GCN1: variants seen among roughly 807,000 people sequenced by gnomAD.
GCN1 encodes the protein GCN1 activator of EIF2AK4, also known as stalled ribosome sensor GCN1.
GCN1 carries 90 observed loss-of-function variants against 288.4 expected under a neutral mutation model. That is an observed-to-expected ratio of 0.31 (90% CI 0.26 to 0.37). The LOEUF (loss-of-function observed/expected upper bound fraction) is 0.37, where lower values mean the gene tolerates loss of function less well. GCN1 is among the 10% of genes least tolerant of loss of function. The pLI, the probability that GCN1 is intolerant of heterozygous loss-of-function variation, is 1.00. For synonymous variants in GCN1, 1,386 were observed against 1,420.2 expected, an observed-to-expected ratio of 0.98 and a Z score of 0.54; for missense variants, 2,586 against 3,419.9, an observed-to-expected ratio of 0.76 and a Z score of 6.08.
In GCN1 at chr12:120,188,673, C is replaced by T. The variant is rs565533841; in HGVS notation, c.121+1625G>A. Among the ~76,000 whole-genome samples, 7 of 151,938 alleles carry T rather than the reference C, an allele frequency of 4.6e-5. No individual in the cohort carries two copies. The South Asian group carries it at 1.5e-3, about 32-fold the overall frequency. ...GACCATCCTGGCTAACACGGTGAAA[C>T]CCTGTCTCTACTAAATATACAAAAA... On this transcript the variant is annotated intron_variant, in intron 2 of 57. Coordinates refer to ENST00000300648, the MANE Select transcript of GCN1 (RefSeq NM_006836.2).
At position 120,144,217 on chromosome 12, in the gene GCN1, C is replaced by G. The variant is rs1293598429; in HGVS notation, c.5495+89G>C. On this transcript the variant is annotated intron_variant, in intron 42 of 57. Transcript: ENST00000300648. The surrounding 1 kb of genome is among the most constrained non-coding windows in gnomAD (Gnocchi z 4.7). ...TCGTAAACTCCTGGGTTTAAGCAAT[C>G]CTCCTGCCTCGGCTTTCCAGAGTGC... 17 of 1,441,758 alleles carry G rather than the reference C, an allele frequency of 1.2e-5. No individual in the cohort carries two copies. Among genetic ancestry groups the G allele is most frequent in the Non-Finnish European group, 1.6e-5 (16 of 1,027,962 alleles). The allele number at this position is 1,441,758 out of a possible 1,614,324, so 89.3% of individuals were successfully genotyped here.
At chr12:120,154,883 C>T (rs1277603556) in intron 31 of GCN1, 87 bp downstream of exon 31, 17 of 1,291,768 alleles carry the variant, frequency 1.3e-5, no homozygotes, top group African/African-American at 8.7e-5. Context: ...TTTCATTAAC[C>T]CATGCTGCCT....
At chr12:120,178,324 G>A (rs1878542422) in intron 7 of GCN1, among the ~76,000 whole-genome samples, 1 of 152,174 alleles carries the variant, frequency 6.6e-6, no homozygotes, top group Admixed American at 6.5e-5. Context: ...TTACTCGCTG[G>A]TGTACCCCCA....
At position 120,173,671 on chromosome 12, in the gene GCN1, T is replaced by C. The variant is rs1312233040; in HGVS notation, c.1348A>G (p.Met450Val). Reference sequence around the variant, plus strand: ...GTCTTACCCCGGTAAGAGGCCAACATGCACTGCAGGTAGGCATGCCTCACC... The same window carrying C: ...GTCTTACCCCGGTAAGAGGCCAACACGCACTGCAGGTAGGCATGCCTCACC... ...SAVRHAYLQC[M>V]LASYRGDTLL... The change falls in exon 14 of 58, where the codon ATG (methionine) becomes GTG (valine). Residue 450 changes from methionine (M) to valine (V), a missense_variant. By Grantham distance (21) the Met-to-Val change is conservative. Around this residue, in one of 8 missense-constraint regions of GCN1, gnomAD observed 913 missense variants for 1,107.0 expected, o/e 0.82. Transcript: ENST00000300648. The C allele has an allele frequency of 1.2e-6, 2 of 1,609,658 alleles. No homozygotes were observed. Among genetic ancestry groups the C allele is most frequent in the Non-Finnish European group, 1.7e-6 (2 of 1,176,030 alleles).
Position 120,193,126 on chromosome 12 carries a change from A to G in GCN1, c.18+1554T>C, listed in dbSNP as rs370468907. Among the ~76,000 whole-genome samples the G allele has an allele frequency of 8.5e-5, 13 of 152,282 alleles. 1 individual carries two copies. In the East Asian group the frequency reaches 2.3e-3, roughly 27 times the overall value. ...CCAGCACTTTGGGAGGCCAAGGCAG[A>G]AGGATCACCTGAGGTCAGGAATTCG... On this transcript the variant is annotated intron_variant, in intron 1 of 57. Coordinates refer to ENST00000300648, the MANE Select transcript of GCN1 (RefSeq NM_006836.2).
At position 120,164,199 on chromosome 12, in the gene GCN1, C is replaced by T. The variant is rs938232856; in HGVS notation, c.1848+137G>A. 2.5e-4 allele frequency: 173 copies of T among 688,354 alleles called. 2 individuals are homozygous for T. In the East Asian group the frequency reaches 4.2e-3, roughly 17 times the overall value. The allele number at this position is 688,354 out of a possible 1,614,324, so 42.6% of individuals were successfully genotyped here. On this transcript the variant is annotated intron_variant, in intron 18 of 57. Coordinates refer to ENST00000300648, the MANE Select transcript of GCN1 (RefSeq NM_006836.2). ...TATGAAAGATGTTACTGGAGCTTGA[C>T]GGCAGAGCAGAAGATGCTGGCATCA... is the stretch of plus-strand genomic sequence containing the variant.
Position 120,171,317 on chromosome 12 carries a change from A to G in GCN1, c.1367-996T>C, listed in dbSNP as rs147353546. ...CCTGTCTCTATTAAAAAATACAAAA[A>G]TTAGCCAGGCATGGTGGTGGGCATC... is the stretch of plus-strand genomic sequence containing the variant. On this transcript the variant is annotated intron_variant, in intron 14 of 57. Coordinates refer to ENST00000300648, the MANE Select transcript of GCN1 (RefSeq NM_006836.2). Among the ~76,000 whole-genome samples the G allele has an allele frequency of 7.9e-3, 1,163 of 146,940 alleles. 18 individuals are homozygous for G. The highest frequency in any genetic ancestry group is 0.028 in the African/African-American group (1,113 of 39,690).
Position 120,127,495 on chromosome 12 carries a change from C to A in GCN1, c.*354G>T. On this transcript the variant is annotated 3_prime_UTR_variant, in exon 58 of 58. Coordinates refer to ENST00000300648, the MANE Select transcript of GCN1 (RefSeq NM_006836.2). ...GGATATAGGAAAAAGGTTGGTAGCG[C>A]CAGCTCTCAAACCAGAGCTCAAGCA... The A allele has an allele frequency of 9.2e-6, 2 of 216,728 alleles. No homozygotes were observed. 13.4% of individuals were successfully genotyped at this position (216,728 alleles called of 1,614,324 possible).
In GCN1 at chr12:120,161,565, T is replaced by C. The variant is rs908859439; in HGVS notation, c.2361A>G (p.Ile787Met). 19 of 1,613,648 alleles carry C rather than the reference T, an allele frequency of 1.2e-5. No homozygotes were observed. In the East Asian group the frequency reaches 3.8e-4, roughly 32 times the overall value. ...SIIQSAQQDS[I>M]KKANMKRENK... is the part of the protein sequence containing the mutation. ...TCTCTCGCTTCATGTTGGCCTTTTT[T>C]ATGCTGTCCTGCTGGGCACTGAAAC... The change falls in exon 22 of 58, where the codon ATA becomes ATG. Residue 787 changes from isoleucine to methionine, a missense_variant. Ile to Met is a conservative substitution (Grantham distance 10). This residue lies in a region of GCN1 where 913 missense variants were observed against 1,107.0 expected (regional missense o/e 0.82). Transcript: ENST00000300648.
chr12:120,161,795 C>T (rs536299455), intron 21 of GCN1, 85 bp downstream of exon 21: 1 of 1,330,794 alleles, frequency 7.5e-7, no homozygotes, highest in Admixed American at 1.8e-5. Context: ...GCATTCAACT[C>T]ACAGGAGGCA....
Position 120,137,480 on chromosome 12 carries a change from A to G in GCN1, c.6663+65T>C. ...GTACGTGGGGGATTCTTATAAGTCT[A>G]TTCCTGTAAATGTCTGGAATTTTCT... is the stretch of plus-strand genomic sequence containing the variant. On this transcript the variant is annotated intron_variant, in intron 49 of 57. Transcript: ENST00000300648. This position sits in a 1 kb window ranked among gnomAD's most constrained non-coding sequence, Gnocchi z 5.2. 9 of 1,554,690 alleles carry G rather than the reference A, an allele frequency of 5.8e-6. No individual in the cohort carries two copies. Among genetic ancestry groups the G allele is most frequent in the Non-Finnish European group, 8.0e-6 (9 of 1,130,674 alleles).
chr12:120,155,566 A>C lies in GCN1; in HGVS notation c.3440+26T>G. 1 of 1,613,676 alleles carries C rather than the reference A, an allele frequency of 6.2e-7. No homozygotes were observed. On this transcript the variant is annotated intron_variant, in intron 29 of 57. Transcript: ENST00000300648. The surrounding 1 kb of genome is among the most constrained non-coding windows in gnomAD (Gnocchi z 4.9). ...CTAAAGGAAGAGAGGATGCAGCAGG[A>C]GAAAGCGACATGCTGGCTCTCTCAC...
intron 57 of GCN1, among the ~76,000 whole-genome samples, chr12:120,128,704 G>C (rs1344906049): frequency 6.6e-6 from 1 of 152,102 alleles, no homozygotes; most frequent in South Asian, 2.1e-4. Flanking sequence ...TTTCCTCTGG[G>C]CAGCTCTCCT....
rs1877620074 is a variant in GCN1 at position 120,153,077 on chromosome 12, G to C, written c.4062+136C>G. 4 of 673,488 alleles carry C rather than the reference G, an allele frequency of 5.9e-6. No homozygotes were observed. Among genetic ancestry groups the C allele is most frequent in the Non-Finnish European group, 1.0e-5 (4 of 395,702 alleles). 41.7% of individuals were successfully genotyped at this position (673,488 alleles called of 1,614,324 possible). On this transcript the variant is annotated intron_variant, in intron 33 of 57. Coordinates refer to ENST00000300648, the MANE Select transcript of GCN1 (RefSeq NM_006836.2). The surrounding 1 kb of genome is among the most constrained non-coding windows in gnomAD (Gnocchi z 4.4). The stretch of plus-strand genomic sequence containing the variant: ...ATAAACCAGGCTCTCCCCTGCGAGA[G>C]GGGGTGAATCCTTAACAAGAACTGG...
At position 120,183,551 on chromosome 12, in the gene GCN1, G is replaced by C; in HGVS notation, c.426+18C>G. 1 of 1,447,858 alleles carries C rather than the reference G, an allele frequency of 6.9e-7. No homozygotes were observed. Among genetic ancestry groups the C allele is most frequent in the East Asian group, 2.3e-5 (1 of 44,138 alleles). 89.7% of individuals were successfully genotyped at this position (1,447,858 alleles called of 1,614,324 possible). ...CAGAAAGCTGACCCTTGCTACTTCA[G>C]AGACACAGGGAACCTACCAGTTTGT... On this transcript the variant is annotated intron_variant, in intron 5 of 57. Coordinates refer to ENST00000300648, the MANE Select transcript of GCN1 (RefSeq NM_006836.2).
chr12:120,175,325 C>T, intron 11 of GCN1, 113 bp from the exon 12 acceptor site: 1 of 1,008,186 alleles, frequency 9.9e-7, no homozygotes, highest in Non-Finnish European at 1.6e-6. Flanking sequence ...CCAGAAGTAG[C>T]CTTTGTGTTG....
chr12:120,161,552 T>C lies in GCN1; in HGVS notation c.2374A>G (p.Met792Val). The change falls in exon 22 of 58, where the codon ATG becomes GTG. Residue 792 changes from methionine to valine, a missense_variant. Met to Val is a conservative substitution (Grantham distance 21). Around this residue, in one of 8 missense-constraint regions of GCN1, gnomAD observed 913 missense variants for 1,107.0 expected, o/e 0.82. Transcript: ENST00000300648. ...GAATAAGCTTTGTTCTCTCGCTTCA[T>C]GTTGGCCTTTTTTATGCTGTCCTGC... ...AQQDSIKKANMKRENKAYSFK... is the reference protein window; with the variant it reads ...AQQDSIKKANVKRENKAYSFK... The C allele has an allele frequency of 6.2e-7, 1 of 1,614,068 alleles. No individual in the cohort carries two copies. The highest frequency in any genetic ancestry group is 8.5e-7 in the Non-Finnish European group (1 of 1,179,910).
chr12:120,157,075 C>G (rs1877772941), intron 26 of GCN1, 83 bp from the exon 27 acceptor site: 1 of 837,686 alleles, frequency 1.2e-6, no homozygotes, highest in African/African-American at 1.7e-5. Flanking sequence ...CATCCTCTCA[C>G]CCACGGGGGA....
At chr12:120,133,843 G>A (rs1876909763) in intron 53 of GCN1, among the ~76,000 whole-genome samples, 1 of 152,208 alleles carries the variant, frequency 6.6e-6, no homozygotes, top group Non-Finnish European at 1.5e-5. Flanking sequence ...CCCGAGGCGG[G>A]TGGATCACCT....
Sources: allele counts gnomAD v4.1 joint callset (sites outside exome capture counted in the v4.1 genomes callset), GRCh38; gene constraint gnomAD v4.1.1; regional missense constraint gnomAD v4.1.1; non-coding constraint Gnocchi (gnomAD v3.1); transcripts MANE v1.5; gene names NCBI Gene and HGNC (gene_info 2026-07-23, HGNC 2026-07-21).